The following WDR41 variants were observed in gnomAD, a reference collection of about 807,000 sequenced individuals.
The protein encoded by WDR41 is WD repeat-containing protein 41.
Under a neutral mutation model 69.3 loss-of-function variants are expected in WDR41, and 63 were observed. The observed-to-expected ratio is 0.91, with a 90% CI of 0.74 to 1.12. The LOEUF is 1.12. Among genes scored for constraint, WDR41 ranks in the 50% most tolerant of loss-of-function variants. The pLI is 0.00. For missense variants in WDR41, 543 were observed against 534.5 expected, an observed-to-expected ratio of 1.02 and a Z score of -0.16; for synonymous variants, 185 against 192.1, an observed-to-expected ratio of 0.96 and a Z score of 0.31.
intron 9 of WDR41, 95 bp downstream of exon 9, chr5:77,440,718 C>T (rs1476447549): frequency 9.8e-5 from 121 of 1,230,168 alleles, no homozygotes; most frequent in Non-Finnish European, 1.3e-4. Context: ...TGAATGATAC[C>T]TTTTTTATGT....
Position 77,440,816 on chromosome 5 carries a change from TTCA to T in WDR41, c.876_878del (p.Asp292del). ...AGATAGTGTATACATTTTTTACCTCTTCATCACATGTGAAATGATGAATAGAAA... is the reference window on the plus strand; with the variant it reads ...AGATAGTGTATACATTTTTTACCTCTTCACATGTGAAATGATGAATAGAAA... On this transcript the variant is annotated inframe_deletion, in exon 9 of 13. Coordinates refer to ENST00000296679, the MANE Select transcript of WDR41 (RefSeq NM_018268.4). The T allele has an allele frequency of 1.2e-6, 2 of 1,614,058 alleles. No homozygotes were observed. Among genetic ancestry groups the T allele is most frequent in the Non-Finnish European group, 1.7e-6 (2 of 1,179,938 alleles).
intron 1 of WDR41, among the ~76,000 whole-genome samples, chr5:77,547,336 T>C (rs1743216543): frequency 6.6e-6 from 1 of 152,130 alleles, no homozygotes; most frequent in African/African-American, 2.4e-5. Flanking sequence ...AAGCTATCAC[T>C]GTTTGCTGAT....
chr5:77,612,029 C>T (rs1441515366), intron 1 of WDR41, among the ~76,000 whole-genome samples: 2 of 152,242 alleles, frequency 1.3e-5, no homozygotes, highest in South Asian at 2.1e-4. Context: ...TGCAAATAAA[C>T]TAGAAAATCT....
At chr5:77,600,881 A>C (rs936415116) in intron 1 of WDR41, among the ~76,000 whole-genome samples, 8 of 150,826 alleles carry the variant, frequency 5.3e-5, no homozygotes, top group Admixed American at 3.3e-4. Flanking sequence ...CAATGTCTCA[A>C]AAAAAAAAAT....
chr5:77,464,273 ACTTT>A (rs1561745731), intron 3 of WDR41, among the ~76,000 whole-genome samples: 1 of 95,484 alleles, frequency 1.0e-5, no homozygotes, highest in Non-Finnish European at 2.1e-5. Flanking sequence ...TTAGGAAAAA[ACTTT>A]TTTTTTTTTT....
At chr5:77,498,444 T>C (rs1406546298) in intron 1 of WDR41, among the ~76,000 whole-genome samples, 3 of 152,152 alleles carry the variant, frequency 2.0e-5, no homozygotes, top group Non-Finnish European at 4.4e-5. Context: ...TGTACTTCAA[T>C]TTATATCTCA....
intron 2 of WDR41, among the ~76,000 whole-genome samples, chr5:77,484,640 A>G (rs935113726): frequency 1.3e-5 from 2 of 152,244 alleles, no homozygotes; most frequent in African/African-American, 4.8e-5. Context: ...AAGCCATCAA[A>G]TAACTATTAA....
intron 1 of WDR41, among the ~76,000 whole-genome samples, chr5:77,601,230 C>T (rs1172066225): frequency 6.6e-6 from 1 of 151,962 alleles, no homozygotes; most frequent in Non-Finnish European, 1.5e-5. Context: ...TTTAAATCAT[C>T]AGAAGAAAAA....
intron 1 of WDR41, 150 bp from the exon 2 acceptor site, chr5:77,489,722 T>C (rs1298316670): frequency 2.4e-6 from 1 of 415,006 alleles, no homozygotes; most frequent in Non-Finnish European, 4.2e-6. Flanking sequence ...TACTACTAAA[T>C]ATTATTTCTT....
At chr5:77,508,403 C>G (rs1802147054) in intron 1 of WDR41, among the ~76,000 whole-genome samples, 1 of 152,210 alleles carries the variant, frequency 6.6e-6, no homozygotes, top group African/African-American at 2.4e-5. Context: ...CATGAGCCAC[C>G]ACACCTGGCC....
At chr5:77,523,252 T>C (rs1360038235) in intron 1 of WDR41, among the ~76,000 whole-genome samples, 1 of 151,576 alleles carries the variant, frequency 6.6e-6, no homozygotes, top group Admixed American at 6.6e-5. Flanking sequence ...AGGCGGAGAT[T>C]GCAGTGAGCC....
intron 1 of WDR41, among the ~76,000 whole-genome samples, chr5:77,618,722 C>A (rs1744723975): frequency 6.6e-6 from 1 of 152,088 alleles, no homozygotes; most frequent in Non-Finnish European, 1.5e-5. Context: ...GTGACCATAG[C>A]CCCTTATTGT....
intron 1 of WDR41, among the ~76,000 whole-genome samples, chr5:77,526,702 T>C (rs1802451897): frequency 6.6e-6 from 1 of 152,140 alleles, no homozygotes. Flanking sequence ...CATTACTTTC[T>C]CCAGTCTATT....
intron 1 of WDR41, chr5:77,499,746 ACATGTAG>A (rs1345218033): frequency 1.3e-5 from 2 of 152,226 alleles, no homozygotes; most frequent in East Asian, 3.8e-4. Context: ...TTTTATATGA[ACATGTAG>A]GCACACCTTC....
intron 2 of WDR41, among the ~76,000 whole-genome samples, chr5:77,480,521 G>T (rs1301268148): frequency 1.3e-5 from 2 of 152,102 alleles, no homozygotes; most frequent in East Asian, 3.9e-4. Flanking sequence ...CATGTCCTTT[G>T]TAGGGACATG....
chr5:77,456,128 T>C (rs1271162126), intron 5 of WDR41, among the ~76,000 whole-genome samples: 1 of 152,194 alleles, frequency 6.6e-6, no homozygotes, highest in Non-Finnish European at 1.5e-5. Context: ...ATCTTTAATA[T>C]CTTTCAACAA....
chr5:77,503,909 C>A (rs998023708), intron 1 of WDR41, among the ~76,000 whole-genome samples: 2 of 151,980 alleles, frequency 1.3e-5, no homozygotes, highest in Non-Finnish European at 2.9e-5. Context: ...CACTAAATGC[C>A]CACAAGGGAA....
Position 77,463,211 on chromosome 5 carries a change from A to G in WDR41, c.232T>C (p.Leu78=), listed in dbSNP as rs1000335745. 1 of 1,608,408 alleles carries G rather than the reference A, an allele frequency of 6.2e-7. No individual in the cohort carries two copies. The highest frequency in any genetic ancestry group is 2.2e-5 in the East Asian group (1 of 44,580). The change falls in exon 4 of 13, where the codon TTA becomes CTA. Residue 78 remains leucine, a synonymous_variant. Transcript: ENST00000296679. Reference sequence around the variant, plus strand: ...TTTTGAGTGTGTCCATTCAGTTCTAAAAGTTTTTCCCCTGTCTGAAATACC... The same window carrying G: ...TTTTGAGTGTGTCCATTCAGTTCTAGAAGTTTTTCCCCTGTCTGAAATACC... ...VWNAQTGEKL[L]ELNGHTQKIT... is the part of the protein sequence containing the mutation.
chr5:77,474,947 C>T (rs1050706829), intron 2 of WDR41, among the ~76,000 whole-genome samples: 2 of 152,164 alleles, frequency 1.3e-5, no homozygotes, highest in Admixed American at 1.3e-4. Context: ...GGGCGCAGGT[C>T]AGTGGGTGCG....
Sources: gnomAD v4.1 joint callset for allele counts (sites outside exome capture counted in the v4.1 genomes callset) on GRCh38, gnomAD v4.1.1 for gene constraint, MANE v1.5 for transcripts, NCBI Gene and HGNC (gene_info 2026-07-23, HGNC 2026-07-21) for gene names.